Variants in CCDC171 observed in about 807,000 individuals in gnomAD.
The protein encoded by CCDC171 is coiled-coil domain-containing protein 171.
CCDC171 carries 177 observed loss-of-function variants against 168.2 expected under a neutral mutation model. The ratio of observed to expected loss-of-function variants is 1.05; its 90% CI spans 0.93 to 1.19. The LOEUF (loss-of-function observed/expected upper bound fraction) is 1.19, where lower values mean the gene tolerates loss of function less well. Ranked by LOEUF, CCDC171 falls within the 50% of genes most tolerant of loss-of-function variation. CCDC171 has a pLI of 0.00. For synonymous variants in CCDC171, 687 were observed against 540.8 expected (o/e 1.27, Z -3.75); for missense variants, 1,991 against 1,539.0 (o/e 1.29, Z -4.91).
intron 21 of CCDC171, among the ~76,000 whole-genome samples, chr9:15,818,085 G>A (rs1428156460): frequency 8.5e-6 from 1 of 117,764 alleles, no homozygotes; most frequent in Non-Finnish European, 1.9e-5. Flanking sequence ...GGCAAACAGG[G>A]TCTGGAGTGG....
At chr9:15,960,114 C>G (rs1372576073) in intron 25 of CCDC171, among the ~76,000 whole-genome samples, 3 of 152,130 alleles carry the variant, frequency 2.0e-5, no homozygotes, top group Non-Finnish European at 4.4e-5. Flanking sequence ...TCACTTGGGA[C>G]TTTGTATCCA....
At chr9:15,573,047 T>C (rs1484429700) in intron 3 of CCDC171, among the ~76,000 whole-genome samples, 2 of 152,218 alleles carry the variant, frequency 1.3e-5, no homozygotes, top group African/African-American at 4.8e-5. Flanking sequence ...TAATCTCAGC[T>C]ACTTGGGAGG....
intron 21 of CCDC171, among the ~76,000 whole-genome samples, chr9:15,822,591 T>C (rs368545878): frequency 6.6e-6 from 1 of 152,110 alleles, no homozygotes; most frequent in Non-Finnish European, 1.5e-5. Flanking sequence ...AAAATGCTCA[T>C]CATCACTGAC....
In CCDC171 at chr9:15,597,564, T is replaced by C. The variant is rs1327533385; in HGVS notation, c.675+3392T>C. Among the ~76,000 whole-genome samples, 4 of 152,292 alleles carry C rather than the reference T, an allele frequency of 2.6e-5. No individual in the cohort carries two copies. In the South Asian group the frequency reaches 6.2e-4, roughly 24 times the overall value. On this transcript the variant is annotated intron_variant, in intron 6 of 25. Coordinates refer to ENST00000380701, the MANE Select transcript of CCDC171 (RefSeq NM_173550.4). ...CAGTTTGCCAGTATTTTTTTGAGGATTTTTGCATTGATGTTCATCAGGGAT... is the reference window on the plus strand; with the variant it reads ...CAGTTTGCCAGTATTTTTTTGAGGACTTTTGCATTGATGTTCATCAGGGAT...
chr9:16,033,913 C>G (rs1159535363), intron 6 of CCDC171, among the ~76,000 whole-genome samples: 1 of 152,164 alleles, frequency 6.6e-6, no homozygotes, highest in Non-Finnish European at 1.5e-5. Flanking sequence ...GTCAGTGGTG[C>G]CCACACAGGG....
intron 10 of CCDC171, among the ~76,000 whole-genome samples, chr9:15,690,758 A>T (rs2050723311): frequency 6.6e-6 from 1 of 152,178 alleles, no homozygotes; most frequent in South Asian, 2.1e-4. Context: ...ACAAAAAGAG[A>T]TTGCTTTTAT....
chr9:15,690,836 G>A (rs1296957167), intron 10 of CCDC171, among the ~76,000 whole-genome samples: 2 of 152,120 alleles, frequency 1.3e-5, no homozygotes, highest in African/African-American at 2.4e-5. Flanking sequence ...ATGGGCACAT[G>A]ATATGAACAG....
At chr9:15,699,266 G>A (rs1377037024) in intron 11 of CCDC171, among the ~76,000 whole-genome samples, 2 of 152,124 alleles carry the variant, frequency 1.3e-5, no homozygotes, top group Non-Finnish European at 2.9e-5. Context: ...CGTTCCTCCC[G>A]GTGGGCTCGT....
At chr9:15,638,848 G>C (rs1047307027) in intron 7 of CCDC171, among the ~76,000 whole-genome samples, 21 of 151,956 alleles carry the variant, frequency 1.4e-4, no homozygotes, top group African/African-American at 4.6e-4. Flanking sequence ...ACTGGAAAAA[G>C]AAATATCCAT....
chr9:15,952,623 C>A (rs1200208727), intron 25 of CCDC171, among the ~76,000 whole-genome samples: 2 of 152,010 alleles, frequency 1.3e-5, no homozygotes, highest in African/African-American at 4.8e-5. Context: ...TCTTGAACTC[C>A]CAACCTCAGG....
chr9:15,755,148 G>A (rs1301734596), intron 18 of CCDC171, among the ~76,000 whole-genome samples: 2 of 152,102 alleles, frequency 1.3e-5, no homozygotes, highest in African/African-American at 4.8e-5. Flanking sequence ...CCAGATAATA[G>A]GAAGTCTAGA....
At chr9:15,843,812 T>A (rs1378414874) in intron 21 of CCDC171, among the ~76,000 whole-genome samples, 8 of 152,124 alleles carry the variant, frequency 5.3e-5, no homozygotes, top group Admixed American at 1.3e-4. Context: ...TTGCAATCAC[T>A]ATGGCTGTCC....
intron 25 of CCDC171, among the ~76,000 whole-genome samples, chr9:15,966,893 G>A (rs921730000): frequency 4.7e-5 from 5 of 106,342 alleles, no homozygotes; most frequent in South Asian, 3.0e-4. Context: ...ATGTGTGTGT[G>A]TGTATATATA....
chr9:15,833,325 A>G (rs1196455164), intron 21 of CCDC171, among the ~76,000 whole-genome samples: 2 of 152,154 alleles, frequency 1.3e-5, no homozygotes, highest in Non-Finnish European at 2.9e-5. Context: ...TGTAGTATAC[A>G]TGGTCCAATG....
intron 4 of CCDC171, among the ~76,000 whole-genome samples, chr9:15,579,256 C>G (rs755953146): frequency 1.4e-4 from 21 of 152,242 alleles, no homozygotes; most frequent in Non-Finnish European, 2.9e-4. Context: ...AAAAGGAGTT[C>G]AAAATTCTCT....
chr9:15,569,533 C>T (rs529647628), intron 2 of CCDC171, among the ~76,000 whole-genome samples: 8 of 152,136 alleles, frequency 5.3e-5, no homozygotes, highest in East Asian at 1.9e-4. Flanking sequence ...TTCTATTTTT[C>T]GGCCGGGCGC....
chr9:16,009,144 A>T (rs965420588), intron 3 of CCDC171, among the ~76,000 whole-genome samples: 2 of 152,118 alleles, frequency 1.3e-5, no homozygotes, highest in African/African-American at 4.8e-5. Context: ...GGTCCTCTTT[A>T]TCTCTCTCTG....
chr9:15,688,308 AC>A (rs1349132788), intron 10 of CCDC171, among the ~76,000 whole-genome samples: 6 of 152,170 alleles, frequency 3.9e-5, no homozygotes, highest in African/African-American at 1.4e-4. Flanking sequence ...AACAATTACC[AC>A]CAATTCTTCA....
intron 25 of CCDC171, among the ~76,000 whole-genome samples, chr9:15,929,847 T>C (rs1826300874): frequency 6.6e-6 from 1 of 151,792 alleles, no homozygotes; most frequent in Admixed American, 6.6e-5. Flanking sequence ...AGTTGTTTTT[T>C]CTCTACAGTT....
Sources: allele counts gnomAD v4.1 joint callset (sites outside exome capture counted in the v4.1 genomes callset), GRCh38; gene constraint gnomAD v4.1.1; transcripts MANE v1.5; gene names NCBI Gene and HGNC (gene_info 2026-07-23, HGNC 2026-07-21).